Variants in DMD observed in about 807,000 individuals in gnomAD.
The protein encoded by DMD is dystrophin.
DMD carries 63 observed loss-of-function variants against 330.1 expected under a neutral mutation model. The ratio of observed to expected loss-of-function variants is 0.19; its 90% CI spans 0.16 to 0.24. The LOEUF (loss-of-function observed/expected upper bound fraction) is 0.24. Among genes scored for constraint, DMD ranks in the 10% least tolerant of loss-of-function variants. DMD has a pLI of 1.00. For missense variants in DMD, 3,344 were observed against 2,684.1 expected, an observed-to-expected ratio of 1.25 and a Z score of -5.43; for synonymous variants, 1,223 against 959.8, an observed-to-expected ratio of 1.27 and a Z score of -5.07.
intron 52 of DMD, among the ~76,000 whole-genome samples, chrX:31,693,290 C>T (rs922825102): frequency 9.0e-6 from 1 of 111,264 alleles, no homozygotes; most frequent in Non-Finnish European, 1.9e-5. Context: ...GAATAAAAGC[C>T]ATAAATTACA....
intron 34 of DMD, among the ~76,000 whole-genome samples, chrX:32,376,890 G>A (rs2097905411): frequency 9.0e-6 from 1 of 111,103 alleles, no homozygotes; most frequent in African/African-American, 3.3e-5. Context: ...AAGAAAAACT[G>A]AATTGAACTT....
At chrX:31,717,092 G>A (rs2085121311) in intron 52 of DMD, among the ~76,000 whole-genome samples, 1 of 111,254 alleles carries the variant, frequency 9.0e-6, no homozygotes, top group African/African-American at 3.3e-5. Context: ...AGGGACTGTT[G>A]TGAAAATAAA....
At chrX:32,691,189 C>A (rs2063254213) in intron 9 of DMD, among the ~76,000 whole-genome samples, 1 of 109,936 alleles carries the variant, frequency 9.1e-6, no homozygotes, top group South Asian at 3.8e-4. Context: ...AGACAGCAAC[C>A]AATATCATGA....
intron 1 of DMD, among the ~76,000 whole-genome samples, chrX:33,044,000 T>C (rs2094342879): frequency 9.0e-6 from 1 of 111,566 alleles, no homozygotes; most frequent in Non-Finnish European, 1.9e-5. Flanking sequence ...TTAATCTAAA[T>C]CTGCAAAACG....
intron 7 of DMD, among the ~76,000 whole-genome samples, chrX:32,737,353 GAAAATGACTATTTTATGGTATTTTCTA>G (rs1425073869): frequency 1.8e-5 from 2 of 111,116 alleles, no homozygotes; most frequent in Non-Finnish European, 3.8e-5. Flanking sequence ...CTTTTTCTAT[GAAAATGACTATTTTATGGTATTTTCTA>G]ATAATTAGGT....
intron 7 of DMD, among the ~76,000 whole-genome samples, chrX:32,764,601 C>T (rs1482187418): frequency 9.0e-6 from 1 of 111,657 alleles, no homozygotes; most frequent in East Asian, 2.8e-4. Flanking sequence ...AAGATTCATC[C>T]ATGCTATAAT....
Position 32,818,832 on chromosome X carries a change from G to A in DMD, c.358-2192C>T, listed in dbSNP as rs761798543. Among the ~76,000 whole-genome samples the A allele has an allele frequency of 4.6e-5, 5 of 109,642 alleles. No homozygotes were observed. The South Asian group carries it at 2.0e-3, about 44-fold the overall frequency. ...CTAGGGCAACCCACTACTATTGACT[G>A]ATGAAGGGGCAGAGTATAAACACTC... On this transcript the variant is annotated intron_variant, in intron 5 of 78. Coordinates refer to ENST00000357033, the MANE Select transcript of DMD (RefSeq NM_004006.3).
At chrX:32,776,831 C>A (rs2074202204) in intron 7 of DMD, among the ~76,000 whole-genome samples, 1 of 111,901 alleles carries the variant, frequency 8.9e-6, no homozygotes, top group African/African-American at 3.3e-5. Flanking sequence ...CAAAACTAAA[C>A]CACTGATGTT....
intron 23 of DMD, among the ~76,000 whole-genome samples, chrX:32,465,875 C>T (rs940963991): frequency 1.1e-4 from 12 of 111,161 alleles, no homozygotes; most frequent in African/African-American, 2.3e-4. Context: ...TGAGCCACTA[C>T]GCCTGGGCTG....
intron 52 of DMD, among the ~76,000 whole-genome samples, chrX:31,705,232 C>A (rs1226004900): frequency 8.9e-6 from 1 of 112,656 alleles, no homozygotes; most frequent in African/African-American, 3.2e-5. Context: ...GGAGTCCAGG[C>A]ACAGCCTGAT....
intron 13 of DMD, among the ~76,000 whole-genome samples, chrX:32,585,892 G>C (rs2054241038): frequency 9.2e-6 from 1 of 109,211 alleles, no homozygotes; most frequent in Admixed American, 9.9e-5. Context: ...AACAGATTGA[G>C]TAATCCAGAC....
intron 1 of DMD, among the ~76,000 whole-genome samples, chrX:33,144,203 G>A (rs1185646041): frequency 9.0e-6 from 1 of 111,118 alleles, no homozygotes; most frequent in Non-Finnish European, 1.9e-5. Flanking sequence ...ATGTTCTCAC[G>A]CGTATGTGGG....
At chrX:31,849,559 T>C (rs2093485466) in intron 48 of DMD, among the ~76,000 whole-genome samples, 1 of 109,937 alleles carries the variant, frequency 9.1e-6, no homozygotes, top group Non-Finnish European at 1.9e-5. Context: ...AGCTATCACG[T>C]AGGGGAATGG....
chrX:31,699,380 C>T (rs73210134), intron 52 of DMD, among the ~76,000 whole-genome samples: 5,352 of 112,174 alleles, frequency 0.048, 137 homozygotes, highest in Non-Finnish European at 0.075. Context: ...GAACAAATGA[C>T]GTATCAATAG....
chrX:32,960,615 ACTCATTCT>A (rs2091844451), intron 2 of DMD, among the ~76,000 whole-genome samples: 1 of 111,287 alleles, frequency 9.0e-6, no homozygotes, highest in Non-Finnish European at 1.9e-5. Context: ...CACCACTCAA[ACTCATTCT>A]CTCATTCTCC....
rs1396453611 is a variant in DMD, at chrX:31,640,707, C to G, written c.8028-12845G>C. ...ACCCGATAACTCCATGTCCATGTGA[C>G]ATAGCGTTATTCTGTGTAATTCTGT... On this transcript the variant is annotated intron_variant, in intron 54 of 78. Transcript: ENST00000357033. Among the ~76,000 whole-genome samples the G allele has an allele frequency of 3.6e-5, 4 of 112,415 alleles. No individual in the cohort carries two copies. In the Admixed American group the frequency reaches 3.8e-4, roughly 11 times the overall value.
chrX:31,331,141 T>G (rs1393595406), intron 61 of DMD, among the ~76,000 whole-genome samples: 1 of 111,713 alleles, frequency 9.0e-6, no homozygotes, highest in Non-Finnish European at 1.9e-5. Context: ...TATGGCTAAC[T>G]AAAATTCCTA....
At chrX:33,129,324 G>GTTT (rs2095483564) in intron 1 of DMD, among the ~76,000 whole-genome samples, 1 of 10,465 alleles carries the variant, frequency 9.6e-5, no homozygotes, top group African/African-American at 2.7e-4. Flanking sequence ...GTTAAGGTTT[G>GTTT]CTTTTTTTTT....
intron 62 of DMD, among the ~76,000 whole-genome samples, chrX:31,264,917 T>C (rs1221751856): frequency 8.9e-6 from 1 of 112,603 alleles, no homozygotes; most frequent in East Asian, 2.7e-4. Flanking sequence ...GGAATTGCTT[T>C]TTTAGTTTCT....
Sources: allele counts gnomAD v4.1 joint callset (sites outside exome capture counted in the v4.1 genomes callset), GRCh38; gene constraint gnomAD v4.1.1; transcripts MANE v1.5; gene names NCBI Gene and HGNC (gene_info 2026-07-23, HGNC 2026-07-21).